The following LPP variants were observed in gnomAD, a reference collection of about 807,000 sequenced individuals.
LPP encodes lipoma-preferred partner.
LPP carries 38 observed loss-of-function variants against 60.4 expected under a neutral mutation model. The observed-to-expected ratio is 0.63, with a 90% CI of 0.49 to 0.83. The LOEUF is 0.83. Among genes scored for constraint, LPP ranks in the 40% least tolerant of loss-of-function variants. The pLI, the probability that LPP is intolerant of heterozygous loss-of-function variation, is 0.00. For synonymous variants in LPP, 328 were observed against 290.8 expected (o/e 1.13, Z -1.30); for missense variants, 902 against 783.6 (o/e 1.15, Z -1.80).
At chr3:188,271,703 T>C (rs1737787433) in intron 2 of LPP, among the ~76,000 whole-genome samples, 1 of 152,204 alleles carries the variant, frequency 6.6e-6, no homozygotes, top group East Asian at 1.9e-4. Context: ...ATTTTCTGCT[T>C]CTTTGGGAGA....
chr3:188,687,533 T>G (rs1036291084), intron 7 of LPP, among the ~76,000 whole-genome samples: 4 of 152,170 alleles, frequency 2.6e-5, no homozygotes, highest in Non-Finnish European at 5.9e-5. Context: ...GCTGCCACCT[T>G]GTGAAGAAGG....
chr3:188,250,837 T>C (rs1272593375), intron 2 of LPP, among the ~76,000 whole-genome samples: 1 of 145,238 alleles, frequency 6.9e-6, no homozygotes, highest in African/African-American at 2.7e-5. Context: ...TCTTTCTTTC[T>C]TTTCTTTTTC....
At chr3:188,374,234 A>G (rs1287673091) in intron 3 of LPP, among the ~76,000 whole-genome samples, 7 of 151,964 alleles carry the variant, frequency 4.6e-5, no homozygotes, top group Non-Finnish European at 5.9e-5. Context: ...GTTTTTTCCA[A>G]TTCTGTGAAG....
intron 6 of LPP, among the ~76,000 whole-genome samples, chr3:188,578,230 C>T (rs1476948848): frequency 6.6e-6 from 1 of 151,872 alleles, no homozygotes; most frequent in Non-Finnish European, 1.5e-5. Context: ...TTCCTCTTCC[C>T]TTCCTTCCTT....
chr3:188,500,412 C>T (rs370658067), intron 5 of LPP, among the ~76,000 whole-genome samples: 20 of 151,902 alleles, frequency 1.3e-4, no homozygotes, highest in African/African-American at 4.3e-4. Context: ...AGTATCCGTT[C>T]GTTACAATAA....
At chr3:188,658,627 G>A (rs1255628132) in intron 7 of LPP, among the ~76,000 whole-genome samples, 1 of 152,118 alleles carries the variant, frequency 6.6e-6, no homozygotes. Flanking sequence ...ATAAATCTTA[G>A]ACATTATCTG....
chr3:188,448,371 A>AATATCTATCTAAGTAGATATTATTTAG (rs140471443), intron 4 of LPP, among the ~76,000 whole-genome samples: 1 of 150,358 alleles, frequency 6.7e-6, no homozygotes, highest in South Asian at 2.1e-4. Context: ...AATAGATAAT[A>AATATCTATCTAAGTAGATATTATTTAG]ATATCTATCT....
chr3:188,261,744 CAAAAA>C (rs10565919), intron 2 of LPP, among the ~76,000 whole-genome samples: 1 of 146,564 alleles, frequency 6.8e-6, no homozygotes. Flanking sequence ...CCTGTCTCTC[CAAAAA>C]AAAAAAAAAT....
intron 7 of LPP, among the ~76,000 whole-genome samples, chr3:188,660,644 C>CTGTGTGTGTGTGTGTG (rs1217077290): frequency 3.3e-5 from 5 of 150,074 alleles, no homozygotes; most frequent in African/African-American, 1.2e-4. Flanking sequence ...TTCCAAAGAT[C>CTGTGTGTGTGTGTGTG]TGTGTGTGTG....
At chr3:188,342,845 T>C (rs990664629) in intron 3 of LPP, among the ~76,000 whole-genome samples, 3 of 152,160 alleles carry the variant, frequency 2.0e-5, no homozygotes, top group Non-Finnish European at 2.9e-5. Context: ...AGGTTATGTA[T>C]GGACTATGAA....
chr3:188,765,297 AACACACACACACACACACACACACAC>A (rs60149759), intron 9 of LPP, among the ~76,000 whole-genome samples: 1 of 143,962 alleles, frequency 6.9e-6, no homozygotes, highest in Non-Finnish European at 1.5e-5. Context: ...TGTCTCACAC[AACACACACACACACACACACACACAC>A]ACACACACAC....
intron 9 of LPP, among the ~76,000 whole-genome samples, chr3:188,858,701 T>C (rs1764408974): frequency 6.6e-6 from 1 of 152,218 alleles, no homozygotes; most frequent in Admixed American, 6.5e-5. Context: ...AGCCAGTTTA[T>C]GTAGTCCAAA....
intron 7 of LPP, among the ~76,000 whole-genome samples, chr3:188,642,876 C>T (rs1203486252): frequency 2.0e-5 from 3 of 151,438 alleles, no homozygotes; most frequent in Non-Finnish European, 2.9e-5. Context: ...GCAGAGGTTG[C>T]GGTAAGCTGA....
At chr3:188,679,479 T>C (rs1858913088) in intron 7 of LPP, among the ~76,000 whole-genome samples, 1 of 152,056 alleles carries the variant, frequency 6.6e-6, no homozygotes, top group Admixed American at 6.6e-5. Flanking sequence ...TTTTAGTCTT[T>C]CTCGTCGTCC....
At chr3:188,817,264 A>G (rs1419054831) in intron 9 of LPP, among the ~76,000 whole-genome samples, 1 of 152,190 alleles carries the variant, frequency 6.6e-6, no homozygotes, top group Non-Finnish European at 1.5e-5. Flanking sequence ...CTTCCTCTAC[A>G]GATCTCCTAA....
intron 9 of LPP, among the ~76,000 whole-genome samples, chr3:188,771,736 C>A (rs1736109013): frequency 6.6e-6 from 1 of 152,000 alleles, no homozygotes; most frequent in South Asian, 2.1e-4. Flanking sequence ...GGGCTTAGCC[C>A]CAGTTAGACA....
chr3:188,698,529 G>A (rs1560081863), intron 7 of LPP, among the ~76,000 whole-genome samples: 2 of 150,886 alleles, frequency 1.3e-5, no homozygotes, highest in Admixed American at 6.6e-5. Flanking sequence ...CCCGCATGGA[G>A]GTTTAGAGGG....
At chr3:188,402,892 C>T (rs1782582429) in intron 3 of LPP, among the ~76,000 whole-genome samples, 1 of 152,156 alleles carries the variant, frequency 6.6e-6, no homozygotes, top group Non-Finnish European at 1.5e-5. Context: ...GAGTTAGAGA[C>T]ATTTGAGCTG....
At chr3:188,509,747 C>T in intron 5 of LPP, among the ~76,000 whole-genome samples, 1 of 148,640 alleles carries the variant, frequency 6.7e-6, no homozygotes, top group South Asian at 2.2e-4. Flanking sequence ...GGCTGGAGTG[C>T]AATGGCATGA....
Sources: gnomAD v4.1 joint callset for allele counts (sites outside exome capture counted in the v4.1 genomes callset) on GRCh38, gnomAD v4.1.1 for gene constraint, MANE v1.5 for transcripts, NCBI Gene and HGNC (gene_info 2026-07-23, HGNC 2026-07-21) for gene names.